ZNF532: variants seen among roughly 807,000 people sequenced by gnomAD.
ZNF532 encodes the protein zinc finger protein 532.
ZNF532 carries 22 observed loss-of-function variants against 89.3 expected under a neutral mutation model. The ratio of observed to expected loss-of-function variants is 0.25; its 90% CI spans 0.18 to 0.35. The LOEUF is 0.35. Ranked by LOEUF, ZNF532 falls within the 10% of genes least tolerant of loss-of-function variation. The probability of loss-of-function intolerance (pLI) is 1.00; values close to 1 mark genes in which losing one functional copy is unlikely to be tolerated. For synonymous variants in ZNF532, 606 were observed against 649.6 expected (o/e 0.93, Z 1.02); for missense variants, 1,132 against 1,643.4 (o/e 0.69, Z 5.38).
At chr18:58,888,844 T>TATATATAAA (rs1568247910) in intron 2 of ZNF532, among the ~76,000 whole-genome samples, 1 of 45,078 alleles carries the variant, frequency 2.2e-5, no homozygotes, top group Non-Finnish European at 3.4e-5. Context: ...ATATAATTTA[T>TATATATAAA]ATATATATAA....
chr18:58,868,297 TTAAC>T (rs1369321346), intron 2 of ZNF532, among the ~76,000 whole-genome samples: 14 of 152,368 alleles, frequency 9.2e-5, no homozygotes, highest in South Asian at 4.1e-4. Flanking sequence ...GGGCTGATCT[TTAAC>T]TAAGTCATGG....
At chr18:58,927,521 C>T (rs1254730600) in intron 3 of ZNF532, among the ~76,000 whole-genome samples, 4 of 151,774 alleles carry the variant, frequency 2.6e-5, no homozygotes, top group Admixed American at 1.3e-4. Flanking sequence ...ATATATGAGG[C>T]GAAGAGAAAC....
chr18:58,962,432 C>T (rs1234202733), intron 7 of ZNF532, among the ~76,000 whole-genome samples: 8 of 152,180 alleles, frequency 5.3e-5, no homozygotes, highest in South Asian at 4.2e-4. Flanking sequence ...ATTTGTGGAT[C>T]GAAACAGAAC....
rs140508905 is a variant in ZNF532, at chr18:58,967,544, C to A, written c.3151-11511C>A. ...GGTCTCTTCATCCCCACCCTGCCCC[C>A]CCGTGCACCCTTCCGTGCACCTGTG... On this transcript the variant is annotated intron_variant, in intron 7 of 9. Coordinates refer to ENST00000591808, the MANE Select transcript of ZNF532 (RefSeq NM_001375912.1). 1.9e-3 allele frequency among the ~76,000 whole-genome samples: 293 copies of A among 152,338 alleles called. 1 individual carries two copies. The highest frequency in any genetic ancestry group is 6.4e-3 in the African/African-American group (267 of 41,576).
intron 2 of ZNF532, among the ~76,000 whole-genome samples, chr18:58,902,600 C>A (rs1332979643): frequency 6.6e-6 from 1 of 151,678 alleles, no homozygotes; most frequent in Non-Finnish European, 1.5e-5. Context: ...TCAAGCGATT[C>A]TCCTGCCTCA....
At chr18:58,874,447 C>T (rs1165093565) in intron 2 of ZNF532, among the ~76,000 whole-genome samples, 2 of 152,142 alleles carry the variant, frequency 1.3e-5, no homozygotes, top group African/African-American at 2.4e-5. Context: ...CAGGTTCAAG[C>T]GATTCTTCTG....
chr18:58,897,349 G>T (rs1299752912), intron 2 of ZNF532, among the ~76,000 whole-genome samples: 2 of 152,026 alleles, frequency 1.3e-5, no homozygotes, highest in Non-Finnish European at 1.5e-5. Flanking sequence ...CATTGAGGTT[G>T]GGGGGAAAAA....
At chr18:58,891,014 G>T (rs2058859621) in intron 2 of ZNF532, among the ~76,000 whole-genome samples, 1 of 151,890 alleles carries the variant, frequency 6.6e-6, no homozygotes, top group South Asian at 2.1e-4. Context: ...GGCTAACTGG[G>T]TTCAAGCGAT....
chr18:58,881,351 G>T (rs1275864368), intron 2 of ZNF532, among the ~76,000 whole-genome samples: 1 of 152,052 alleles, frequency 6.6e-6, no homozygotes, highest in Non-Finnish European at 1.5e-5. Context: ...GGCCAGGCTG[G>T]TCTTGAACTC....
At chr18:58,977,775 A>AGGAGGC (rs1353730767) in intron 7 of ZNF532, 1 of 152,130 alleles carries the variant, frequency 6.6e-6, no homozygotes, top group Non-Finnish European at 1.5e-5. Flanking sequence ...CTTTGAACCC[A>AGGAGGC]GGAGGCGGAG....
At chr18:58,880,420 A>G (rs1267592487) in intron 2 of ZNF532, among the ~76,000 whole-genome samples, 1 of 152,178 alleles carries the variant, frequency 6.6e-6, no homozygotes, top group Non-Finnish European at 1.5e-5. Context: ...TGCCAAGGCT[A>G]AGTTGGAGTT....
intron 5 of ZNF532, among the ~76,000 whole-genome samples, chr18:58,941,884 TCTTC>T (rs373698943): frequency 2.2e-4 from 31 of 142,132 alleles, no homozygotes; most frequent in African/African-American, 8.6e-4. Context: ...TTTCCATCTT[TCTTC>T]CTTCCTTTTC....
At chr18:58,963,603 A>ATGTGTGTGTGTGTGTG (rs60644289) in intron 7 of ZNF532, among the ~76,000 whole-genome samples, 57 of 143,878 alleles carry the variant, frequency 4.0e-4, no homozygotes, top group African/African-American at 1.4e-3. Context: ...AAAGAAAAAA[A>ATGTGTGTGTGTGTGTG]TGTGTGTGTG....
At chr18:58,872,181 C>G (rs1205594065) in intron 2 of ZNF532, among the ~76,000 whole-genome samples, 1 of 152,142 alleles carries the variant, frequency 6.6e-6, no homozygotes, top group Non-Finnish European at 1.5e-5. Flanking sequence ...GGATGGTCTT[C>G]AGGGGCCCCA....
intron 7 of ZNF532, among the ~76,000 whole-genome samples, chr18:58,967,615 A>G (rs967674364): frequency 6.6e-6 from 1 of 151,894 alleles, no homozygotes; most frequent in Non-Finnish European, 1.5e-5. Context: ...TCAACAGATT[A>G]TAATCTCCTC....
chr18:58,917,715 T>A lies in ZNF532; in HGVS notation c.-17-556T>A, dbSNP rs184949710. Reference sequence around the variant, plus strand: ...TCAGCTCCTTAGGGTTTTTTTTTTTTAAAAAGTCCCAAATGGAATTTATTA... The same window carrying A: ...TCAGCTCCTTAGGGTTTTTTTTTTTAAAAAAGTCCCAAATGGAATTTATTA... On this transcript the variant is annotated intron_variant, in intron 2 of 9. Coordinates refer to ENST00000591808, the MANE Select transcript of ZNF532 (RefSeq NM_001375912.1). Among the ~76,000 whole-genome samples the A allele has an allele frequency of 5.9e-3, 897 of 151,692 alleles. 17 individuals carry two copies. The highest frequency in any genetic ancestry group is 0.019 in the African/African-American group (774 of 41,426).
intron 6 of ZNF532, among the ~76,000 whole-genome samples, chr18:58,948,593 A>G (rs1401829937): frequency 2.2e-5 from 3 of 138,794 alleles, no homozygotes; most frequent in Admixed American, 7.5e-5. Flanking sequence ...TTTGAGACAG[A>G]GTCTCCCTCT....
At chr18:58,974,122 C>T (rs2066776250) in intron 7 of ZNF532, among the ~76,000 whole-genome samples, 1 of 151,990 alleles carries the variant, frequency 6.6e-6, no homozygotes, top group Non-Finnish European at 1.5e-5. Context: ...TCAATAAGCT[C>T]AGTTTTTTTT....
intron 9 of ZNF532, among the ~76,000 whole-genome samples, chr18:58,981,918 C>T (rs979728965): frequency 4.0e-5 from 6 of 148,238 alleles, no homozygotes; most frequent in Non-Finnish European, 8.9e-5. Context: ...GCAGGAGAAT[C>T]GCTTGAACTT....
Sources: allele counts gnomAD v4.1 joint callset (sites outside exome capture counted in the v4.1 genomes callset), GRCh38; gene constraint gnomAD v4.1.1; transcripts MANE v1.5; gene names NCBI Gene and HGNC (gene_info 2026-07-23, HGNC 2026-07-21).